The following PBRM1 variants were observed in gnomAD, a reference collection of about 807,000 sequenced individuals.
The protein encoded by PBRM1 is polybromo 1, also known as protein polybromo-1.
PBRM1 carries 27 observed loss-of-function variants against 194.5 expected under a neutral mutation model. That is an observed-to-expected ratio of 0.14 (90% confidence interval 0.10 to 0.19). The LOEUF (loss-of-function observed/expected upper bound fraction) is 0.19, where lower values mean the gene tolerates loss of function less well. Ranked by LOEUF, PBRM1 falls within the 10% of genes least tolerant of loss-of-function variation. The pLI is 1.00. For synonymous variants in PBRM1, 655 were observed against 693.2 expected, an observed-to-expected ratio of 0.94 and a Z score of 0.87; for missense variants, 1,466 against 2,077.2, an observed-to-expected ratio of 0.71 and a Z score of 5.72.
At chr3:52,595,222 A>G (rs2093438063) in intron 17 of PBRM1, among the ~76,000 whole-genome samples, 1 of 149,700 alleles carries the variant, frequency 6.7e-6, no homozygotes, top group Non-Finnish European at 1.5e-5. Context: ...CTTTTATCCT[A>G]TTTGATGACC....
chr3:52,670,230 A>G (rs984114274), intron 2 of PBRM1, among the ~76,000 whole-genome samples: 2 of 152,228 alleles, frequency 1.3e-5, no homozygotes, highest in Non-Finnish European at 2.9e-5. Flanking sequence ...GAATTACCAC[A>G]AAGACAAAAG....
intron 20 of PBRM1, among the ~76,000 whole-genome samples, chr3:52,579,502 G>A (rs1046940560): frequency 1.3e-5 from 2 of 152,090 alleles, no homozygotes; most frequent in Non-Finnish European, 2.9e-5. Flanking sequence ...AGAGACTGAG[G>A]TGGGTAGATC....
intron 16 of PBRM1, among the ~76,000 whole-genome samples, chr3:52,608,734 G>A (rs892592849): frequency 1.3e-4 from 19 of 150,992 alleles, no homozygotes; most frequent in East Asian, 1.9e-4. Flanking sequence ...ATGTAGCAAC[G>A]ATATATCACA....
chr3:52,577,241 G>C (rs2089899126), intron 21 of PBRM1, among the ~76,000 whole-genome samples: 1 of 151,978 alleles, frequency 6.6e-6, no homozygotes, highest in Admixed American at 6.6e-5. Context: ...GACCAGCCTG[G>C]ACAACATGGT....
chr3:52,626,743 A>G (rs142345884), intron 13 of PBRM1, among the ~76,000 whole-genome samples: 2 of 152,112 alleles, frequency 1.3e-5, no homozygotes, highest in Admixed American at 1.3e-4. Context: ...AGGAAAAAAA[A>G]CCCCAAAAAT....
chr3:52,578,193 G>C (rs2090185278), intron 21 of PBRM1, among the ~76,000 whole-genome samples: 1 of 152,010 alleles, frequency 6.6e-6, no homozygotes, highest in African/African-American at 2.4e-5. Flanking sequence ...CTGACCATGG[G>C]ACCCCCTTCT....
chr3:52,609,975 G>T lies in PBRM1; in HGVS notation c.1925-20C>A. On this transcript the variant is annotated intron_variant, in intron 15 of 29. Transcript: ENST00000296302. The surrounding 1 kb of genome is among the most constrained non-coding windows in gnomAD (Gnocchi z 4.1). ...TCCTACCTAAAGAGAGATATTTAAT[G>T]TTAAATGAATAAAATAAATGAACCT... The T allele has an allele frequency of 1.5e-6, 2 of 1,379,162 alleles. No homozygotes were observed. Among genetic ancestry groups the T allele is most frequent in the East Asian group, 4.8e-5 (2 of 41,718 alleles). The allele number at this position is 1,379,162 out of a possible 1,614,324, so 85.4% of individuals were successfully genotyped here. A position where few individuals can be genotyped will look rare whatever the true frequency, so the allele number is the denominator to read the frequency against.
intron 25 of PBRM1, among the ~76,000 whole-genome samples, 164 bp from the exon 28 acceptor site, chr3:52,558,577 C>T (rs1389960311): frequency 6.6e-6 from 1 of 152,224 alleles, no homozygotes; most frequent in African/African-American, 2.4e-5. Context: ...GCCGATTTCA[C>T]TTGGTAACCT....
At position 52,609,958 on chromosome 3, in the gene PBRM1, A is replaced by G. The variant is rs1175030779; in HGVS notation, c.1925-3T>C. 1.4e-6 allele frequency: 2 copies of G among 1,459,448 alleles called. No homozygotes were observed. Among genetic ancestry groups the G allele is most frequent in the Non-Finnish European group, 1.8e-6 (2 of 1,092,228 alleles). The allele number at this position is 1,459,448 out of a possible 1,614,324, so 90.4% of individuals were successfully genotyped here. ...AGGAGAAATGCCACTCTTCCTACCTAAAGAGAGATATTTAATGTTAAATGA... is the reference window on the plus strand; with the variant it reads ...AGGAGAAATGCCACTCTTCCTACCTGAAGAGAGATATTTAATGTTAAATGA... On this transcript the variant is annotated splice_polypyrimidine_tract_variant and splice_region_variant and intron_variant, in intron 15 of 29. Coordinates refer to ENST00000296302, the Ensembl canonical transcript of PBRM1. This position sits in a 1 kb window ranked among gnomAD's most constrained non-coding sequence, Gnocchi z 4.1.
chr3:52,591,103 C>G (rs1443812023), intron 17 of PBRM1, among the ~76,000 whole-genome samples: 1 of 152,160 alleles, frequency 6.6e-6, no homozygotes, highest in Non-Finnish European at 1.5e-5. Context: ...TTTTTGTATA[C>G]TGATTGTGTA....
upstream of PBRM1, among the ~76,000 whole-genome samples, chr3:52,682,897 T>A (rs1219034521): frequency 2.0e-5 from 3 of 151,962 alleles, no homozygotes; most frequent in African/African-American, 7.3e-5. Context: ...CTGTCTCTAC[T>A]AAAGAAAAAT....
At chr3:52,669,345 T>A (rs965066543) in intron 2 of PBRM1, among the ~76,000 whole-genome samples, 1 of 152,228 alleles carries the variant, frequency 6.6e-6, no homozygotes, top group Non-Finnish European at 1.5e-5. Flanking sequence ...GTAATTATAA[T>A]GACAAAATTT....
chr3:52,552,166 C>T (rs1002342039), intron 27 of PBRM1, among the ~76,000 whole-genome samples: 2 of 152,146 alleles, frequency 1.3e-5, no homozygotes, highest in African/African-American at 4.8e-5. Flanking sequence ...ATATTATTAA[C>T]CTCTGTGCCC....
rs2091657882 is a variant in PBRM1, at chr3:52,583,088, C to T, written c.3387+3337G>A. On this transcript the variant is annotated intron_variant, in intron 20 of 29. Coordinates refer to ENST00000296302, the Ensembl canonical transcript of PBRM1. The stretch of plus-strand genomic sequence containing the variant: ...CTCCAGCCTTGGGGACAGAGTGAGA[C>T]TCCATCTCAAAAAAAAAAAAAAAAA... 4.1e-5 allele frequency among the ~76,000 whole-genome samples: 4 copies of T among 97,356 alleles called. No homozygotes were observed. In the South Asian group the frequency reaches 1.5e-3, roughly 38 times the overall value. 63.9% of individuals were successfully genotyped at this position (97,356 alleles called of 152,430 possible). A position where few individuals can be genotyped will look rare whatever the true frequency, so the allele number is the denominator to read the frequency against.
At chr3:52,550,879 T>C in intron 27 of PBRM1, 62 bp from the exon 30 acceptor site, 1 of 1,061,678 alleles carries the variant, frequency 9.4e-7, no homozygotes, top group Admixed American at 1.9e-5. Flanking sequence ...GAAAAACTAC[T>C]GTCTGATAAG....
chr3:52,679,585 T>C lies in PBRM1; in HGVS notation c.127A>G (p.Thr43Ala), dbSNP rs771820105. Reference sequence around the variant, plus strand: ...TCCAAGTTACTCACAGGATCTACAGTTGGAAGATTGGAAAGTCTCCTCCTT... The same window carrying C: ...TCCAAGTTACTCACAGGATCTACAGCTGGAAGATTGGAAAGTCTCCTCCTT... The change falls in exon 1 of 30, where the codon ACT (threonine) becomes GCT (alanine). Residue 43 changes from threonine to alanine, a missense_variant. Coordinates refer to ENST00000296302, the Ensembl canonical transcript of PBRM1. The C allele has an allele frequency of 6.2e-6, 10 of 1,613,068 alleles. No homozygotes were observed. In the African/African-American group the frequency reaches 8.0e-5, roughly 13 times the overall value.
chr3:52,665,542 C>T (rs2096816437), intron 3 of PBRM1, among the ~76,000 whole-genome samples: 1 of 152,134 alleles, frequency 6.6e-6, no homozygotes, highest in Admixed American at 6.6e-5. Flanking sequence ...GGAACTGGGC[C>T]GCACAGCAGG....
At chr3:52,602,116 G>A (rs1373398973) in intron 17 of PBRM1, among the ~76,000 whole-genome samples, 6 of 152,082 alleles carry the variant, frequency 3.9e-5, no homozygotes, top group Non-Finnish European at 5.9e-5. Flanking sequence ...GATTTTCATC[G>A]GTTTGATGAT....
chr3:52,644,732 C>T (rs558495798), exon 8 of PBRM1: 5 of 1,564,510 alleles, frequency 3.2e-6, no homozygotes, highest in South Asian at 2.2e-5. Flanking sequence ...TTAGCCATTT[C>T]ATGATGTTCA....
Sources: allele counts gnomAD v4.1 joint callset (sites outside exome capture counted in the v4.1 genomes callset), GRCh38; gene constraint gnomAD v4.1.1; non-coding constraint Gnocchi (gnomAD v3.1); transcripts MANE v1.5; gene names NCBI Gene and HGNC (gene_info 2026-07-23, HGNC 2026-07-21).